Variants in DHRSX observed in about 807,000 individuals in gnomAD.
The protein encoded by DHRSX is polyprenol dehydrogenase.
DHRSX carries 31 observed loss-of-function variants against 34.0 expected under a neutral mutation model. The ratio of observed to expected loss-of-function variants is 0.91; its 90% CI spans 0.69 to 1.23. DHRSX has a LOEUF of 1.23. Among genes scored for constraint, DHRSX ranks in the 50% most tolerant of loss-of-function variants. The probability of loss-of-function intolerance (pLI) is 0.00; values close to 1 mark genes in which losing one functional copy is unlikely to be tolerated. For synonymous variants in DHRSX, 201 were observed against 183.8 expected, an observed-to-expected ratio of 1.09 and a Z score of -0.76; for missense variants, 414 against 428.1, an observed-to-expected ratio of 0.97 and a Z score of 0.29.
At chrX:2,346,499 ATCTCC>A (rs2042713973) in intron 3 of DHRSX, among the ~76,000 whole-genome samples, 1 of 151,990 alleles carries the variant, frequency 6.6e-6, no homozygotes, top group South Asian at 2.1e-4. Flanking sequence ...GTCAAGCTCA[ATCTCC>A]TGAAGATAGC....
rs112638597 is a variant in DHRSX at position 2,472,143 on chromosome X, C to CAA, written c.109+28672_109+28673dup. On this transcript the variant is annotated intron_variant, in intron 1 of 6. Transcript: ENST00000334651. ...CTGGGCAACAAAAAGGAAACTGTCTCAAAAAAAAAAAAAAAATGGGATGAT... is the reference window on the plus strand; with the variant it reads ...CTGGGCAACAAAAAGGAAACTGTCTCAAAAAAAAAAAAAAAAAATGGGATGAT... 8.2e-3 allele frequency among the ~76,000 whole-genome samples: 990 copies of CAA among 120,876 alleles called. 25 individuals are homozygous for CAA. Among genetic ancestry groups the CAA allele is most frequent in the African/African-American group, 0.026 (897 of 33,886 alleles). 79.3% of individuals were successfully genotyped at this position (120,876 alleles called of 152,430 possible).
chrX:2,359,337 C>G (rs988236392), intron 3 of DHRSX, among the ~76,000 whole-genome samples: 7 of 152,202 alleles, frequency 4.6e-5, no homozygotes, highest in Non-Finnish European at 1.0e-4. Flanking sequence ...ATAGCAAAGA[C>G]ATGGGATCAA....
intron 3 of DHRSX, among the ~76,000 whole-genome samples, chrX:2,350,703 T>C (rs2042779020): frequency 6.6e-6 from 1 of 152,164 alleles, no homozygotes; most frequent in Non-Finnish European, 1.5e-5. Context: ...CAAGACCGTA[T>C]TATACATGTA....
chrX:2,379,457 G>A (rs1211541071), intron 3 of DHRSX, among the ~76,000 whole-genome samples: 2 of 152,132 alleles, frequency 1.3e-5, no homozygotes, highest in African/African-American at 4.8e-5. Context: ...AATGAGGATA[G>A]CCCAGTCACT....
At chrX:2,256,205 G>A (rs971748338) in intron 5 of DHRSX, among the ~76,000 whole-genome samples, 5 of 151,020 alleles carry the variant, frequency 3.3e-5, no homozygotes, top group African/African-American at 1.2e-4. Flanking sequence ...ATGTTGGCCA[G>A]GATGGTCTTG....
At chrX:2,259,065 G>C (rs1045146189) in intron 5 of DHRSX, among the ~76,000 whole-genome samples, 30 of 152,106 alleles carry the variant, frequency 2.0e-4, no homozygotes, top group Non-Finnish European at 4.1e-4. Flanking sequence ...ACGAGGTCAG[G>C]AGATGGAGAT....
intron 4 of DHRSX, among the ~76,000 whole-genome samples, chrX:2,282,678 G>A (rs1345742624): frequency 1.4e-5 from 2 of 145,718 alleles, no homozygotes; most frequent in South Asian, 4.6e-4. Context: ...GAAAAGGAGA[G>A]AGAGAAGAGG....
chrX:2,389,716 C>T (rs909068713), intron 3 of DHRSX, among the ~76,000 whole-genome samples: 17 of 152,142 alleles, frequency 1.1e-4, no homozygotes, highest in African/African-American at 2.4e-5. Context: ...CCTGATCTGG[C>T]CTTTTCAGAT....
chrX:2,289,553 G>C (rs2041843253), intron 4 of DHRSX, among the ~76,000 whole-genome samples: 1 of 152,194 alleles, frequency 6.6e-6, no homozygotes, highest in Non-Finnish European at 1.5e-5. Context: ...TGTCATGTAT[G>C]TATTTCCATC....
chrX:2,463,207 C>T (rs1199128772), intron 1 of DHRSX, among the ~76,000 whole-genome samples: 2 of 152,142 alleles, frequency 1.3e-5, no homozygotes, highest in Non-Finnish European at 2.9e-5. Flanking sequence ...GCTCCCTACT[C>T]AGAGAGGCTG....
chrX:2,270,786 C>T (rs1484118848), intron 4 of DHRSX, among the ~76,000 whole-genome samples: 5 of 152,298 alleles, frequency 3.3e-5, no homozygotes, highest in East Asian at 1.9e-4. Flanking sequence ...GACCTTTTGT[C>T]TAGCTAAAGA....
chrX:2,457,906 TC>T (rs755231808), intron 1 of DHRSX, among the ~76,000 whole-genome samples: 1 of 148,338 alleles, frequency 6.7e-6, no homozygotes, highest in Admixed American at 6.7e-5. Flanking sequence ...GGGAATATGT[TC>T]CGTAAGCATG....
In DHRSX at chrX:2,425,129, C is replaced by T. The variant is rs766333778; in HGVS notation, c.217+68G>A. ...CAGTCCAGCACGGGTTGACGGACTG[C>T]GATCCTGTCTCAGAAAAAAAAAAAA... is the stretch of plus-strand genomic sequence containing the variant. On this transcript the variant is annotated intron_variant, in intron 2 of 6. Coordinates refer to ENST00000334651, the MANE Select transcript of DHRSX (RefSeq NM_145177.3). 8.7e-5 allele frequency: 108 copies of T among 1,248,292 alleles called. No individual in the cohort carries two copies. In the African/African-American group the frequency reaches 1.2e-3, roughly 14 times the overall value. 77.3% of individuals were successfully genotyped at this position (1,248,292 alleles called of 1,614,324 possible).
chrX:2,361,306 C>G lies in DHRSX; in HGVS notation c.286+47439G>C, dbSNP rs183763525. ...ATTTTTAGTAGAGATGGGATTTCACCATGTTGGTCAGGCTAGTCTCAAACT... is the reference window on the plus strand; with the variant it reads ...ATTTTTAGTAGAGATGGGATTTCACGATGTTGGTCAGGCTAGTCTCAAACT... On this transcript the variant is annotated intron_variant, in intron 3 of 6. Coordinates refer to ENST00000334651, the MANE Select transcript of DHRSX (RefSeq NM_145177.3). Among the ~76,000 whole-genome samples the G allele has an allele frequency of 2.2e-3, 330 of 152,152 alleles. 2 individuals are homozygous for G. The highest frequency in any genetic ancestry group is 6.7e-3 in the Admixed American group (102 of 15,268).
At chrX:2,276,678 G>A (rs752168034) in intron 4 of DHRSX, among the ~76,000 whole-genome samples, 63 of 151,452 alleles carry the variant, frequency 4.2e-4, no homozygotes, top group South Asian at 2.3e-3. Flanking sequence ...AGAGTTCTCC[G>A]CTCTCCAAGC....
intron 5 of DHRSX, among the ~76,000 whole-genome samples, chrX:2,246,906 A>G (rs62595480): frequency 0.6 from 91,432 of 151,936 alleles, 29,430 homozygotes; most frequent in Non-Finnish European, 0.75. Context: ...AGAAAACAGT[A>G]TAAACATAAA....
At chrX:2,438,685 A>AC (rs1205932124) in intron 1 of DHRSX, among the ~76,000 whole-genome samples, 5 of 149,500 alleles carry the variant, frequency 3.3e-5, no homozygotes, top group African/African-American at 9.9e-5. Flanking sequence ...AAAAAAAAAA[A>AC]ATGGTCGTTC....
Position 2,455,815 on chromosome X carries a change from AT to A in DHRSX, c.110-30512del, listed in dbSNP as rs761871253. On this transcript the variant is annotated intron_variant, in intron 1 of 6. Coordinates refer to ENST00000334651, the MANE Select transcript of DHRSX (RefSeq NM_145177.3). ...TGCTTCTATGGGGAACATTTTACTG[AT>A]TTTTTTTTAACTCTTTTAAAATGTT... Among the ~76,000 whole-genome samples the A allele has an allele frequency of 3.9e-3, 594 of 150,380 alleles. 9 individuals are homozygous for A. The highest frequency in any genetic ancestry group is 6.2e-3 in the Non-Finnish European group (417 of 67,522).
At chrX:2,362,146 T>C (rs939478591) in intron 3 of DHRSX, among the ~76,000 whole-genome samples, 7 of 152,160 alleles carry the variant, frequency 4.6e-5, no homozygotes, top group African/African-American at 1.7e-4. Flanking sequence ...GGGGTGCTGG[T>C]GTCACTGTTA....
Sources: gnomAD v4.1 joint callset for allele counts (sites outside exome capture counted in the v4.1 genomes callset) on GRCh38, gnomAD v4.1.1 for gene constraint, MANE v1.5 for transcripts, NCBI Gene and HGNC (gene_info 2026-07-23, HGNC 2026-07-21) for gene names.